RAPGEF5: variants seen among roughly 807,000 people sequenced by gnomAD.
RAPGEF5 encodes Rap guanine nucleotide exchange factor 5, also known as M-Ras-regulated GEF.
RAPGEF5 carries 65 observed loss-of-function variants against 125.2 expected under a neutral mutation model. The observed-to-expected ratio is 0.52, with a 90% CI of 0.43 to 0.64. RAPGEF5 has a LOEUF of 0.64. Ranked by LOEUF, RAPGEF5 falls within the 30% of genes least tolerant of loss-of-function variation. The pLI is 0.00. For missense variants in RAPGEF5, 958 were observed against 1,048.1 expected (o/e 0.91, Z 1.19); for synonymous variants, 391 against 385.9 (o/e 1.01, Z -0.16).
At chr7:22,245,307 T>G (rs2128137004) in intron 7 of RAPGEF5, among the ~76,000 whole-genome samples, 1 of 152,344 alleles carries the variant, frequency 6.6e-6, no homozygotes, top group South Asian at 2.1e-4. Flanking sequence ...CAGAAGCTTC[T>G]TAGTTTGATG....
intron 7 of RAPGEF5, among the ~76,000 whole-genome samples, chr7:22,252,336 C>T (rs1786644316): frequency 6.6e-6 from 1 of 152,168 alleles, no homozygotes; most frequent in South Asian, 2.1e-4. Flanking sequence ...CAAGCTTCCA[C>T]TTACAGCAAT....
At chr7:22,220,731 T>G (rs1391054444) in intron 8 of RAPGEF5, among the ~76,000 whole-genome samples, 1 of 147,776 alleles carries the variant, frequency 6.8e-6, no homozygotes, top group Non-Finnish European at 1.5e-5. Context: ...AAAAAAAAAG[T>G]TCATTCTAAC....
rs1262486757 is a variant in RAPGEF5 at position 22,318,126 on chromosome 7, G to A, written c.232-89C>T. The A allele has an allele frequency of 2.6e-5, 34 of 1,311,192 alleles. 1 individual carries two copies. The South Asian group carries it at 4.9e-4, about 19-fold the overall frequency. 81.2% of individuals were successfully genotyped at this position (1,311,192 alleles called of 1,614,324 possible). ...AACATAAGCAACAGTGGCCAGGGCA[G>A]GCCTCTGCTATGAAAAAAAAAAAAA... is the stretch of plus-strand genomic sequence containing the variant. On this transcript the variant is annotated intron_variant, in intron 1 of 25. Transcript: ENST00000665637.
chr7:22,296,506 C>T (rs941231243), intron 5 of RAPGEF5, among the ~76,000 whole-genome samples: 18 of 152,112 alleles, frequency 1.2e-4, no homozygotes, highest in Non-Finnish European at 1.8e-4. Flanking sequence ...GGACCAAAAG[C>T]ATAGGGACTG....
intron 9 of RAPGEF5, among the ~76,000 whole-genome samples, chr7:22,200,831 T>C (rs4722109): frequency 0.53 from 79,884 of 152,066 alleles, 21,050 homozygotes; most frequent in East Asian, 0.57. Context: ...CAACTTCAGC[T>C]AGTAACCTAC....
intron 7 of RAPGEF5, among the ~76,000 whole-genome samples, chr7:22,254,555 C>G (rs1255844657): frequency 6.8e-6 from 1 of 146,434 alleles, no homozygotes; most frequent in East Asian, 2.0e-4. Context: ...TTGCAGTGAG[C>G]TGAGATCGCG....
At position 22,236,573 on chromosome 7, in the gene RAPGEF5, C is replaced by A. The variant is rs577712798; in HGVS notation, c.797-5654G>T. Among the ~76,000 whole-genome samples, 72 of 152,282 alleles carry A rather than the reference C, an allele frequency of 4.7e-4. 3 individuals are homozygous for A. The South Asian group carries it at 0.015, about 31-fold the overall frequency. On this transcript the variant is annotated intron_variant, in intron 7 of 25. Coordinates refer to ENST00000665637, the MANE Select transcript of RAPGEF5 (RefSeq NM_012294.5). ...TCAGGCACCTTCATGGTCCTCCTTC[C>A]CCTGAGCCTTCACCTCAATCTCTCC...
In RAPGEF5 at chr7:22,125,723, G is replaced by C. The variant is rs1478519459; in HGVS notation, c.2482-65C>G. On this transcript the variant is annotated intron_variant, in intron 24 of 25. Transcript: ENST00000665637. ...TTGAGGGTGTTACTGAAGAAGCAGT[G>C]CCTGCTAGGATGGAAGGATAATCTA... 23 of 1,432,188 alleles carry C rather than the reference G, an allele frequency of 1.6e-5. No homozygotes were observed. The Admixed American group carries it at 3.7e-4, about 23-fold the overall frequency. The allele number at this position is 1,432,188 out of a possible 1,614,324, so 88.7% of individuals were successfully genotyped here.
In RAPGEF5 at chr7:22,160,596, A is replaced by T; in HGVS notation, c.1448T>A (p.Leu483Gln). Residue 483 changes from leucine to glutamine, a missense_variant, in exon 14 of 26, where the codon CTG becomes CAG. Coordinates refer to ENST00000665637, the MANE Select transcript of RAPGEF5 (RefSeq NM_012294.5). ...TATTGGATATTCATAAACATCATCC[A>T]GTACATTCCTATATATGGTCTGGAG... is the stretch of plus-strand genomic sequence containing the variant. ...MFLKTIYRNV[L>Q]DDVYEYPILE... 6.5e-7 allele frequency: 1 copy of T among 1,542,314 alleles called. No individual in the cohort carries two copies. The highest frequency in any genetic ancestry group is 8.7e-7 in the Non-Finnish European group (1 of 1,145,404).
intron 7 of RAPGEF5, among the ~76,000 whole-genome samples, chr7:22,246,042 A>C (rs991927864): frequency 3.9e-5 from 6 of 152,166 alleles, no homozygotes; most frequent in Non-Finnish European, 8.8e-5. Context: ...AGGTATCTAC[A>C]AGGACAACTA....
intron 1 of RAPGEF5, among the ~76,000 whole-genome samples, chr7:22,348,380 T>C (rs1784264644): frequency 6.6e-6 from 1 of 152,226 alleles, no homozygotes; most frequent in Non-Finnish European, 1.5e-5. Context: ...TTGACAGGTA[T>C]GTGTACTTCC....
chr7:22,256,363 G>A (rs1357152468), intron 7 of RAPGEF5, among the ~76,000 whole-genome samples: 2 of 152,126 alleles, frequency 1.3e-5, no homozygotes, highest in African/African-American at 4.8e-5. Flanking sequence ...TGTGACTGAG[G>A]TGAATGAATG....
intron 1 of RAPGEF5, among the ~76,000 whole-genome samples, chr7:22,339,239 T>G (rs1273295908): frequency 2.0e-5 from 3 of 152,206 alleles, no homozygotes; most frequent in Non-Finnish European, 4.4e-5. Context: ...AGGATGCAAC[T>G]GTTATCAATA....
chr7:22,249,159 A>T (rs1018204856), intron 7 of RAPGEF5, among the ~76,000 whole-genome samples: 1 of 152,180 alleles, frequency 6.6e-6, no homozygotes, highest in African/African-American at 2.4e-5. Context: ...GATACACTTA[A>T]TTGGAGCCAG....
At chr7:22,312,961 T>C (rs749034442) in intron 3 of RAPGEF5, among the ~76,000 whole-genome samples, 1 of 152,138 alleles carries the variant, frequency 6.6e-6, no homozygotes, top group Non-Finnish European at 1.5e-5. Context: ...AGAGAGATGG[T>C]TGGAACAGAA....
At chr7:22,194,628 A>G (rs1204802637) in intron 9 of RAPGEF5, 2 of 984,942 alleles carry the variant, frequency 2.0e-6, no homozygotes, top group African/African-American at 3.5e-5. Flanking sequence ...TTTATAATGT[A>G]CTAGTTTTGC....
chr7:22,313,426 A>G (rs1476300140), intron 3 of RAPGEF5, among the ~76,000 whole-genome samples: 1 of 152,248 alleles, frequency 6.6e-6, no homozygotes, highest in Admixed American at 6.5e-5. Flanking sequence ...GAAAAATGAA[A>G]ATGATTCATC....
chr7:22,282,094 A>G (rs374364291), intron 6 of RAPGEF5, among the ~76,000 whole-genome samples: 14 of 152,328 alleles, frequency 9.2e-5, no homozygotes, highest in East Asian at 5.8e-4. Context: ...TATTCAACAT[A>G]TCATTCAAGC....
At chr7:22,326,726 A>C (rs1321807412) in intron 1 of RAPGEF5, among the ~76,000 whole-genome samples, 1 of 152,238 alleles carries the variant, frequency 6.6e-6, no homozygotes, top group East Asian at 1.9e-4. Flanking sequence ...TTTTGGCCTA[A>C]GATTAAAACA....
Sources: gnomAD v4.1 joint callset for allele counts (sites outside exome capture counted in the v4.1 genomes callset) on GRCh38, gnomAD v4.1.1 for gene constraint, MANE v1.5 for transcripts, NCBI Gene and HGNC (gene_info 2026-07-23, HGNC 2026-07-21) for gene names.